MGAM2: variants seen among roughly 807,000 people sequenced by gnomAD.
MGAM2 encodes the protein maltase-glucoamylase 2 (putative), also known as probable maltase-glucoamylase 2.
In MGAM2, 98 loss-of-function variants were observed where a neutral mutation model predicts 96.1. The ratio of observed to expected loss-of-function variants is 1.02; its 90% CI spans 0.87 to 1.21. MGAM2 has a LOEUF of 1.21. Ranked by LOEUF, MGAM2 falls within the 50% of genes most tolerant of loss-of-function variation. MGAM2 has a pLI of 0.00. For synonymous variants in MGAM2, 749 were observed against 414.8 expected, an observed-to-expected ratio of 1.81 and a Z score of -9.79; for missense variants, 2,055 against 1,182.4, an observed-to-expected ratio of 1.74 and a Z score of -10.82.
At position 142,219,983 on chromosome 7, in the gene MGAM2, A is replaced by G; in HGVS notation, c.5472A>G (p.Pro1824=). 1 of 702,916 alleles carries G rather than the reference A, an allele frequency of 1.4e-6. No homozygotes were observed. The highest frequency in any genetic ancestry group is 2.7e-5 in the East Asian group (1 of 37,282). The allele number at this position is 702,916 out of a possible 1,614,324, so 43.5% of individuals were successfully genotyped here. Residue 1824 remains proline, a synonymous_variant, in exon 48 of 48, where the codon CCA becomes CCG. Coordinates refer to ENST00000477922, the MANE Select transcript of MGAM2 (RefSeq NM_001293626.2). Reference sequence around the variant, plus strand: ...CTCCAACTAAGACAAGTACCATCCCAATGAGTTCTCATCCTTCTCCATCTA... The same window carrying G: ...CTCCAACTAAGACAAGTACCATCCCGATGAGTTCTCATCCTTCTCCATCTA... The part of the protein sequence containing the change: ...LPTPTKTSTI[P]MSSHPSPSTT...
chr7:142,147,014 C>T (rs1025878734), intron 14 of MGAM2, among the ~76,000 whole-genome samples: 1 of 152,156 alleles, frequency 6.6e-6, no homozygotes. Context: ...AGGTATGAGC[C>T]ACTGTGCCCA....
At chr7:142,185,872 G>C in intron 34 of MGAM2, 117 bp from the exon 35 acceptor site, 1 of 561,676 alleles carries the variant, frequency 1.8e-6, no homozygotes, top group Non-Finnish European at 3.2e-6. Context: ...AACAGCAGCA[G>C]ATCTGAGATT....
rs776013189 is a variant in MGAM2 at position 142,196,157 on chromosome 7, T to A, written c.4350T>A (p.Ala1450=). Residue 1450 remains alanine, a synonymous_variant, in exon 38 of 48, where the codon GCT becomes GCA. Coordinates refer to ENST00000477922, the MANE Select transcript of MGAM2 (RefSeq NM_001293626.2). ...CTCTTTATTCCCCTCCCACCAGAGCTGTGCAGGAGGTGACAGGACAGCGAG... is the reference window on the plus strand; with the variant it reads ...CTCTTTATTCCCCTCCCACCAGAGCAGTGCAGGAGGTGACAGGACAGCGAG... ...GWSQTRPTYE[A]VQEVTGQRGV... 1 of 1,148,974 alleles carries A rather than the reference T, an allele frequency of 8.7e-7. No homozygotes were observed. The highest frequency in any genetic ancestry group is 1.3e-6 in the Non-Finnish European group (1 of 778,992). The allele number at this position is 1,148,974 out of a possible 1,614,324, so 71.2% of individuals were successfully genotyped here.
chr7:142,123,177 T>C (rs1794636754), intron 3 of MGAM2, among the ~76,000 whole-genome samples: 1 of 151,998 alleles, frequency 6.6e-6, no homozygotes, highest in African/African-American at 2.4e-5. Flanking sequence ...TATTCTTTTT[T>C]TTTTTTCTGT....
intron 24 of MGAM2, 98 bp from the exon 25 acceptor site, chr7:142,166,000 T>C (rs1048682092): frequency 1.4e-5 from 8 of 580,558 alleles, no homozygotes; most frequent in Non-Finnish European, 2.1e-5. Flanking sequence ...GAGGAAGGAA[T>C]AGATGCCCTT....
intron 46 of MGAM2, among the ~76,000 whole-genome samples, chr7:142,210,242 G>A (rs1190452915): frequency 1.3e-5 from 2 of 152,074 alleles, no homozygotes; most frequent in Non-Finnish European, 2.9e-5. Context: ...CCAGGACCCT[G>A]GGTTTCAAGC....
At chr7:142,159,213 A>G (rs1795820422) in intron 19 of MGAM2, 74 bp from the exon 20 acceptor site, 1 of 689,246 alleles carries the variant, frequency 1.5e-6, no homozygotes, top group Middle Eastern at 2.6e-4. Flanking sequence ...AGGCACATGT[A>G]ATGATGCCTG....
chr7:142,194,805 A>T (rs1441645365), intron 37 of MGAM2, among the ~76,000 whole-genome samples: 1 of 152,054 alleles, frequency 6.6e-6, no homozygotes, highest in Non-Finnish European at 1.5e-5. Flanking sequence ...ACACAACAGT[A>T]GTCAGCTACT....
In MGAM2 at chr7:142,160,148, A is replaced by C. The variant is rs1391032890; in HGVS notation, c.2235A>C (p.Ser745=). 1 of 702,358 alleles carries C rather than the reference A, an allele frequency of 1.4e-6. No individual in the cohort carries two copies. Among genetic ancestry groups the C allele is most frequent in the East Asian group, 2.7e-5 (1 of 37,272 alleles). The allele number at this position is 702,358 out of a possible 1,614,324, so 43.5% of individuals were successfully genotyped here. A position where few individuals can be genotyped will look rare whatever the true frequency, so the allele number is the denominator to read the frequency against. ...WYDYETGVAI[S]WRKQLVNMLL... ...TTGCTGATTAGGGAGTGGCCATCTC[A>C]TGGAGGAAACAGTTGGTGAATATGC... The change falls in exon 21 of 48, where the codon TCA becomes TCC. Residue 745 remains serine, a synonymous_variant. Transcript: ENST00000477922.
intron 4 of MGAM2, among the ~76,000 whole-genome samples, 196 bp downstream of exon 4, chr7:142,131,267 G>A (rs551139664): frequency 3.3e-5 from 5 of 152,038 alleles, no homozygotes; most frequent in South Asian, 2.1e-4. Flanking sequence ...GTGAAACCCC[G>A]TCTCTACTAA....
Position 142,157,961 on chromosome 7 carries a change from G to A in MGAM2, c.1948G>A (p.Val650Ile). 3 of 702,996 alleles carry A rather than the reference G, an allele frequency of 4.3e-6. No individual in the cohort carries two copies. Among genetic ancestry groups the A allele is most frequent in the Non-Finnish European group, 7.8e-6 (3 of 384,992 alleles). 43.5% of individuals were successfully genotyped at this position (702,996 alleles called of 1,614,324 possible). Reference sequence around the variant, plus strand: ...GGACCAGGATCCCGCTGCCTTTGGTGTTGATTCCCTGCTGCTGAAATCCTC... The same window carrying A: ...GGACCAGGATCCCGCTGCCTTTGGTATTGATTCCCTGCTGCTGAAATCCTC... ...FRDQDPAAFG[V>I]DSLLLKSSRH... The change falls in exon 18 of 48, where the codon GTT becomes ATT. Residue 650 changes from valine to isoleucine, a missense_variant. By Grantham distance (29) the Val-to-Ile change is conservative. Coordinates refer to ENST00000477922, the MANE Select transcript of MGAM2 (RefSeq NM_001293626.2).
At chr7:142,116,719 A>G in intron 1 of MGAM2, among the ~76,000 whole-genome samples, 155 bp from the exon 2 acceptor site, 1 of 152,260 alleles carries the variant, frequency 6.6e-6, no homozygotes, top group Non-Finnish European at 1.5e-5. Flanking sequence ...GACACTGATA[A>G]GTGGAAACAA....
intron 45 of MGAM2, among the ~76,000 whole-genome samples, chr7:142,203,880 A>G (rs1797318147): frequency 1.3e-5 from 2 of 152,260 alleles, no homozygotes; most frequent in Non-Finnish European, 2.9e-5. Flanking sequence ...AAGACCTCAA[A>G]CTATAAAAAT....
At chr7:142,157,909 T>C (rs1311207949) in intron 17 of MGAM2, 28 bp from the exon 18 acceptor site, 2 of 701,134 alleles carry the variant, frequency 2.9e-6, no homozygotes, top group East Asian at 2.7e-5. Context: ...GAAAGAAATA[T>C]TCAGCCATTC....
chr7:142,121,843 ATTATC>A (rs1794583043), intron 3 of MGAM2, among the ~76,000 whole-genome samples: 1 of 151,858 alleles, frequency 6.6e-6, no homozygotes, highest in Non-Finnish European at 1.5e-5. Context: ...TTGTATTAAT[ATTATC>A]TTATACATTC....
chr7:142,199,882 G>C lies in MGAM2; in HGVS notation c.5051G>C (p.Arg1684Pro). ...ACTCTTTTTTTTTTTTTTGGTAGTC[G>C]ACAAAATTTTATGGGATTGATTGTT... Reference protein sequence around the residue: ...QEPAMNTHSSRQNFMGLIVAL... With the variant: ...QEPAMNTHSSPQNFMGLIVAL... Residue 1684 changes from arginine (R) to proline (P), a missense_variant and splice_region_variant, in exon 45 of 48, where the codon CGA (arginine) becomes CCA (proline). Transcript: ENST00000477922. 1.6e-6 allele frequency: 1 copy of C among 626,034 alleles called. No individual in the cohort carries two copies. The highest frequency in any genetic ancestry group is 2.9e-5 in the East Asian group (1 of 35,076). 38.8% of individuals were successfully genotyped at this position (626,034 alleles called of 1,614,324 possible). A position where few individuals can be genotyped will look rare whatever the true frequency, so the allele number is the denominator to read the frequency against.
At chr7:142,149,964 A>C (rs902062306) in intron 15 of MGAM2, among the ~76,000 whole-genome samples, 1 of 148,226 alleles carries the variant, frequency 6.7e-6, no homozygotes, top group African/African-American at 2.5e-5. Context: ...TTTTTGAGAC[A>C]GAGTTTCGCT....
At chr7:142,116,460 G>A (rs1306708576) in intron 1 of MGAM2, among the ~76,000 whole-genome samples, 1 of 152,160 alleles carries the variant, frequency 6.6e-6, no homozygotes, top group Non-Finnish European at 1.5e-5. Context: ...TTCCAGTTTT[G>A]CTACTTTCTC....
At chr7:142,189,737 G>A (rs768627501) in intron 37 of MGAM2, among the ~76,000 whole-genome samples, 21 of 152,150 alleles carry the variant, frequency 1.4e-4, no homozygotes, top group Non-Finnish European at 2.5e-4. Context: ...ATAGAGTTGT[G>A]CAACTATCAC....
Sources: gnomAD v4.1 joint callset for allele counts (sites outside exome capture counted in the v4.1 genomes callset) on GRCh38, gnomAD v4.1.1 for gene constraint, MANE v1.5 for transcripts, NCBI Gene and HGNC (gene_info 2026-07-23, HGNC 2026-07-21) for gene names.